TSC1: variants seen among roughly 807,000 people sequenced by gnomAD.
TSC1 encodes the protein hamartin.
A neutral mutation model predicts 124.3 loss-of-function variants in TSC1; 20 were observed. The ratio of observed to expected loss-of-function variants is 0.16; its 90% CI spans 0.11 to 0.23. The LOEUF (loss-of-function observed/expected upper bound fraction) is 0.23, where lower values mean the gene tolerates loss of function less well. Among genes scored for constraint, TSC1 ranks in the 10% least tolerant of loss-of-function variants. TSC1 has a pLI of 1.00. For synonymous variants in TSC1, 493 were observed against 539.1 expected (o/e 0.91, Z 1.19); for missense variants, 1,124 against 1,448.5 (o/e 0.78, Z 3.64).
intron 12 of TSC1, chr9:132,910,004 T>G (rs1408207781): frequency 6.3e-6 from 1 of 158,418 alleles, no homozygotes; most frequent in Non-Finnish European, 1.4e-5. Context: ...AGTGTTACTA[T>G]GAAGGTGGGT....
At position 132,928,878 on chromosome 9, in the gene TSC1, C is replaced by G; in HGVS notation, c.-6G>C. The G allele has an allele frequency of 6.2e-7, 1 of 1,614,012 alleles. No homozygotes were observed. Among genetic ancestry groups the G allele is most frequent in the Non-Finnish European group, 8.5e-7 (1 of 1,179,984 alleles). ...ACATTTGCTTGTTGGGCCATTCTCT[C>G]GCTCGAAGGCGCTGTGCTGGCTCCA... On this transcript the variant is annotated 5_prime_UTR_variant, in exon 3 of 23. Transcript: ENST00000298552.
intron 8 of TSC1, among the ~76,000 whole-genome samples, chr9:132,916,949 C>G (rs1276842956): frequency 6.6e-6 from 1 of 152,154 alleles, no homozygotes; most frequent in Admixed American, 6.5e-5. Context: ...AATACATGCT[C>G]CAGTGATTAA....
intron 15 of TSC1, among the ~76,000 whole-genome samples, chr9:132,904,922 G>A (rs1235444802): frequency 9.9e-5 from 15 of 152,168 alleles, no homozygotes; most frequent in African/African-American, 4.8e-5. Flanking sequence ...ACCAAATCTC[G>A]TTTAAAAAGA....
intron 12 of TSC1, 63 bp from the exon 13 acceptor site, chr9:132,907,433 T>C (rs1001097092): frequency 8.9e-6 from 12 of 1,342,954 alleles, no homozygotes; most frequent in African/African-American, 5.7e-5. Flanking sequence ...CTCGAGCATA[T>C]TGTAAAGTAG....
intron 1 of TSC1, among the ~76,000 whole-genome samples, chr9:132,943,157 A>G (rs1847829320): frequency 6.6e-6 from 1 of 152,080 alleles, no homozygotes; most frequent in Non-Finnish European, 1.5e-5. Context: ...GTATCTCAGA[A>G]GAGTATTATT....
chr9:132,897,965 A>G (rs903274602), intron 20 of TSC1, among the ~76,000 whole-genome samples: 1 of 152,252 alleles, frequency 6.6e-6, no homozygotes, highest in Non-Finnish European at 1.5e-5. Context: ...TTTTTAAAAA[A>G]TGATATGGTG....
At chr9:132,929,003 A>G in intron 2 of TSC1, 51 bp from the exon 3 acceptor site, 1 of 1,474,058 alleles carries the variant, frequency 6.8e-7, no homozygotes, top group Non-Finnish European at 9.1e-7. Flanking sequence ...TTTTCTCCAT[A>G]AAAAAAGAAA....
chr9:132,910,747 T>G, intron 11 of TSC1, 55 bp from the exon 12 acceptor site: 4 of 1,611,088 alleles, frequency 2.5e-6, no homozygotes, highest in Non-Finnish European at 3.4e-6. Flanking sequence ...TTAGAAAAAC[T>G]GCCGATTTTT....
chr9:132,905,233 T>C (rs769989679), intron 15 of TSC1, among the ~76,000 whole-genome samples: 2 of 152,176 alleles, frequency 1.3e-5, no homozygotes, highest in Non-Finnish European at 2.9e-5. Flanking sequence ...TGACAAATAT[T>C]CTTATATTCT....
rs118203384 is a variant in TSC1 at position 132,923,411 on chromosome 9, G to C, written c.445C>G (p.Gln149Glu). Residue 149 changes from glutamine to glutamate, a missense_variant, in exon 6 of 23, where the codon CAG becomes GAG. Around this residue, in one of 5 missense-constraint regions of TSC1, gnomAD observed 463 missense variants for 606.8 expected, o/e 0.76. Transcript: ENST00000298552. The surrounding 1 kb of genome is among the most constrained non-coding windows in gnomAD (Gnocchi z 4.2). ...MLPMIPQSGK[Q>E]HLLDFFDIFG... ...ATGTCAAAGAAATCAAGAAGATGCT[G>C]TTTCCCAGACTGTGGAATCATTGGT... 2 of 1,614,180 alleles carry C rather than the reference G, an allele frequency of 1.2e-6. No individual in the cohort carries two copies. The highest frequency in any genetic ancestry group is 1.7e-6 in the Non-Finnish European group (2 of 1,180,018).
Position 132,905,867 on chromosome 9 carries a change from C to T in TSC1, c.1711G>A (p.Glu571Lys), listed in dbSNP as rs1172716547. ...SADESPAGDR[E>K]CQTSLETSIF... ...CTGGTCTCCAAAGAAGTCTGGCATT[C>T]CCTGTCTCCCGCAGGGCTTTCATCA... The change falls in exon 15 of 23, where the codon GAA becomes AAA. Residue 571 changes from glutamate (E) to lysine (K), a missense_variant. Coordinates refer to ENST00000298552, the MANE Select transcript of TSC1 (RefSeq NM_000368.5). 1 of 1,612,458 alleles carries T rather than the reference C, an allele frequency of 6.2e-7. No homozygotes were observed. Among genetic ancestry groups the T allele is most frequent in the Non-Finnish European group, 8.5e-7 (1 of 1,178,782 alleles).
At position 132,895,938 on chromosome 9, in the gene TSC1, T is replaced by TG. The variant is rs199959286; in HGVS notation, c.*296dup. On this transcript the variant is annotated 3_prime_UTR_variant, in exon 23 of 23. Transcript: ENST00000298552. The stretch of plus-strand genomic sequence containing the variant: ...CACAGGTTCAAAGGACGCAACCATT[T>TG]GGGGGGGAAAGGAAGAAAGTAAAGC... The TG allele has an allele frequency of 2.9e-5, 13 of 454,844 alleles. No individual in the cohort carries two copies. The highest frequency in any genetic ancestry group is 3.8e-5 in the Admixed American group (1 of 26,032). The allele number at this position is 454,844 out of a possible 1,614,324, so 28.2% of individuals were successfully genotyped here.
chr9:132,905,518 A>G, intron 15 of TSC1, 63 bp downstream of exon 15: 2 of 1,607,820 alleles, frequency 1.2e-6, no homozygotes, highest in South Asian at 2.2e-5. Flanking sequence ...CCTCTCTTAC[A>G]CTTTCTGTAC....
In TSC1 at chr9:132,928,857, T is replaced by C; in HGVS notation, c.16A>G (p.Asn6Asp). 1 of 1,614,188 alleles carries C rather than the reference T, an allele frequency of 6.2e-7. No homozygotes were observed. Among genetic ancestry groups the C allele is most frequent in the Non-Finnish European group, 8.5e-7 (1 of 1,180,024 alleles). Residue 6 changes from asparagine (N) to aspartate (D), a missense_variant, in exon 3 of 23, where the codon AAT becomes GAT. Physicochemically the swap from Asn to Asp is conservative, Grantham distance 23 (BLOSUM62 1). Coordinates refer to ENST00000298552, the MANE Select transcript of TSC1 (RefSeq NM_000368.5). ...AGCATGGCAAGAAGCTCCCCGACAT[T>C]TGCTTGTTGGGCCATTCTCTCGCTC... is the stretch of plus-strand genomic sequence containing the variant. MAQQANVGELLAMLDS... is the reference protein window; with the variant it reads MAQQADVGELLAMLDS...
rs117301441 is a variant in TSC1, at chr9:132,902,546, C to G, written c.2391+59G>C. On this transcript the variant is annotated intron_variant, in intron 18 of 22. Coordinates refer to ENST00000298552, the MANE Select transcript of TSC1 (RefSeq NM_000368.5). The surrounding 1 kb of genome is among the most constrained non-coding windows in gnomAD (Gnocchi z 5.2). ...GACACCCAGGGAAACTGACTGCCTC[C>G]CTCCCCACTGCTCTCCGGCATTCTC... The G allele has an allele frequency of 7.3e-3, 11,692 of 1,603,022 alleles. 67 individuals carry two copies. Among genetic ancestry groups the G allele is most frequent in the Non-Finnish European group, 8.8e-3 (10,324 of 1,171,508 alleles).
Position 132,900,743 on chromosome 9 carries a change from A to C in TSC1, c.2597T>G (p.Leu866Arg), listed in dbSNP as rs1845328263. The C allele has an allele frequency of 6.2e-7, 1 of 1,614,076 alleles. No individual in the cohort carries two copies. The highest frequency in any genetic ancestry group is 1.7e-5 in the Admixed American group (1 of 60,012). Residue 866 changes from leucine (L) to arginine (R), a missense_variant, in exon 20 of 23, where the codon CTG becomes CGG. Physicochemically the swap from Leu to Arg is moderately radical, Grantham distance 102. This residue lies in a region of TSC1 where 325 missense variants were observed against 383.4 expected (regional missense o/e 0.85). Coordinates refer to ENST00000298552, the MANE Select transcript of TSC1 (RefSeq NM_000368.5). ...GEVNELYLEQ[L>R]QNKHSDTTKE... ...TGTGGTATCTGAGTGCTTGTTCTGCAGTTGTTCCAAATAGAGCTCGTTGAC... is the reference window on the plus strand; with the variant it reads ...TGTGGTATCTGAGTGCTTGTTCTGCCGTTGTTCCAAATAGAGCTCGTTGAC...
chr9:132,893,946 T>C lies in TSC1; in HGVS notation c.*2289A>G. Reference sequence around the variant, plus strand: ...ACCTAACTACTGACTCTGGAGTTCTTTGCAACATGAAAGCCTACATTTTTA... The same window carrying C: ...ACCTAACTACTGACTCTGGAGTTCTCTGCAACATGAAAGCCTACATTTTTA... On this transcript the variant is annotated 3_prime_UTR_variant, in exon 23 of 23. Coordinates refer to ENST00000298552, the MANE Select transcript of TSC1 (RefSeq NM_000368.5). The C allele has an allele frequency of 4.3e-6, 1 of 233,384 alleles. No individual in the cohort carries two copies. Among genetic ancestry groups the C allele is most frequent in the South Asian group, 1.8e-4 (1 of 5,524 alleles). 14.5% of individuals were successfully genotyped at this position (233,384 alleles called of 1,614,324 possible). A position where few individuals can be genotyped will look rare whatever the true frequency, so the allele number is the denominator to read the frequency against.
chr9:132,922,435 A>G (rs535195626), intron 6 of TSC1, among the ~76,000 whole-genome samples: 3 of 152,344 alleles, frequency 2.0e-5, no homozygotes, highest in African/African-American at 7.2e-5. Context: ...CAAGCACTCA[A>G]TATTTACAGA....
chr9:132,911,352 G>A (rs772605093), intron 10 of TSC1, 101 bp downstream of exon 10: 11 of 933,140 alleles, frequency 1.2e-5, no homozygotes, highest in East Asian at 4.8e-5. Flanking sequence ...CTCCTGAAAT[G>A]AGCAGTGTGA....
Sources: gnomAD v4.1 joint callset for allele counts (sites outside exome capture counted in the v4.1 genomes callset) on GRCh38, gnomAD v4.1.1 for gene constraint, gnomAD v4.1.1 regional missense constraint, Gnocchi (gnomAD v3.1) non-coding constraint, MANE v1.5 for transcripts, NCBI Gene and HGNC (gene_info 2026-07-23, HGNC 2026-07-21) for gene names.